CRB1: variants seen among roughly 807,000 people sequenced by gnomAD.
CRB1 encodes protein crumbs homolog 1.
In CRB1, 83 loss-of-function variants were observed where a neutral mutation model predicts 120.0. That is an observed-to-expected ratio of 0.69 (90% CI 0.58 to 0.83). The LOEUF is 0.83. CRB1 is among the 40% of genes least tolerant of loss of function. The pLI is 0.00. For missense variants in CRB1, 1,699 were observed against 1,687.6 expected (o/e 1.01, Z -0.12); for synonymous variants, 625 against 612.5 (o/e 1.02, Z -0.30).
Position 197,356,838 on chromosome 1 carries a change from A to G in CRB1, c.996A>G (p.Thr332=), listed in dbSNP as rs1488355227. Residue 332 remains threonine (T), a synonymous_variant, in exon 5 of 12, where the codon ACA becomes ACG. Transcript: ENST00000367400. ...TGAATTTTCATCATGCAGGATACAC[A>G]GGTGCCCAGTGTGAGATCGACCTCA... The part of the protein sequence containing the change: ...NYTCHCWPGY[T]GAQCEIDLNE... The G allele has an allele frequency of 1.9e-6, 3 of 1,613,988 alleles. No homozygotes were observed. In the East Asian group the frequency reaches 6.7e-5, roughly 36 times the overall value.
intron 10 of CRB1, chr1:197,441,772 T>C: frequency 4.5e-6 from 1 of 220,122 alleles, no homozygotes; most frequent in Non-Finnish European, 8.8e-6. Flanking sequence ...CCCTGCAGAC[T>C]CCAGATGGCA....
Position 197,345,930 on chromosome 1 carries a change from C to T in CRB1, c.849-1410C>T, listed in dbSNP as rs1571875624. 3.3e-5 allele frequency among the ~76,000 whole-genome samples: 5 copies of T among 152,262 alleles called. No individual in the cohort carries two copies. The South Asian group carries it at 1.0e-3, about 32-fold the overall frequency. The stretch of plus-strand genomic sequence containing the variant: ...ATAATGCTCTAGGGGCATAAATCTA[C>T]ATTCCTGGAGACAGGTAACTGGCCA... On this transcript the variant is annotated intron_variant, in intron 3 of 11. Coordinates refer to ENST00000367400, the MANE Select transcript of CRB1 (RefSeq NM_201253.3).
At chr1:197,427,088 G>A (rs1664621187) in intron 6 of CRB1, among the ~76,000 whole-genome samples, 1 of 152,148 alleles carries the variant, frequency 6.6e-6, no homozygotes, top group African/African-American at 2.4e-5. Flanking sequence ...CCACCAGGTT[G>A]GAGTATAGTA....
chr1:197,467,032 G>A (rs927557553), intron 11 of CRB1, among the ~76,000 whole-genome samples: 1 of 152,126 alleles, frequency 6.6e-6, no homozygotes. Context: ...ATCAATGAGA[G>A]CAAGATTTAT....
intron 5 of CRB1, among the ~76,000 whole-genome samples, chr1:197,387,181 C>T (rs1662259393): frequency 6.6e-6 from 1 of 152,044 alleles, no homozygotes; most frequent in Non-Finnish European, 1.5e-5. Flanking sequence ...GGGCTCACTT[C>T]AACCTCCACC....
chr1:197,267,729 G>A (rs1558018211), upstream of CRB1, among the ~76,000 whole-genome samples: 1 of 152,156 alleles, frequency 6.6e-6, no homozygotes, highest in Non-Finnish European at 1.5e-5. Flanking sequence ...ATCAATTATA[G>A]TAAAACAAAA....
the CRB1 span, among the ~76,000 whole-genome samples, chr1:197,231,477 G>A: frequency 6.6e-6 from 1 of 152,124 alleles, no homozygotes; most frequent in South Asian, 2.1e-4. Flanking sequence ...GCTAAAGTCA[G>A]AAAAGGACAA....
At chr1:197,204,626 T>C in the CRB1 span, among the ~76,000 whole-genome samples, 21 of 152,272 alleles carry the variant, frequency 1.4e-4, no homozygotes, top group African/African-American at 4.8e-4. Context: ...TTGATGGAAT[T>C]TTTTTTCTTA....
At chr1:197,221,025 T>A in the CRB1 span, among the ~76,000 whole-genome samples, 2 of 152,350 alleles carry the variant, frequency 1.3e-5, no homozygotes, top group East Asian at 3.9e-4. Context: ...GGAAGAGATC[T>A]ACATGTCTTC....
rs1665276836 is a variant in CRB1, at chr1:197,438,610, A to C, written c.3813A>C (p.Gly1271=). 1 of 1,612,946 alleles carries C rather than the reference A, an allele frequency of 6.2e-7. No individual in the cohort carries two copies. The highest frequency in any genetic ancestry group is 1.7e-5 in the Admixed American group (1 of 59,924). The change falls in exon 10 of 12, where the codon GGA becomes GGC. Residue 1271 remains glycine (G), a synonymous_variant. Transcript: ENST00000367400. ...AGACAAATCTCACTTGCTACAATGG[A>C]GGCAACTGCACAGAGTTCCAGACTG... ...NEKTNLTCYN[G]GNCTEFQTEL... is the part of the protein sequence containing the mutation.
intron 5 of CRB1, chr1:197,364,037 T>C: frequency 7.3e-7 from 1 of 1,376,232 alleles, no homozygotes; most frequent in Non-Finnish European, 1.0e-6. Flanking sequence ...AAGATCAACT[T>C]CTTGATGCGA....
At chr1:197,465,665 A>C (rs552643854) in intron 11 of CRB1, among the ~76,000 whole-genome samples, 14 of 152,312 alleles carry the variant, frequency 9.2e-5, no homozygotes, top group African/African-American at 3.1e-4. Flanking sequence ...GTCTCAAACT[A>C]TTTTGAAGAG....
At chr1:197,369,354 T>C (rs939125927) in intron 5 of CRB1, among the ~76,000 whole-genome samples, 1 of 151,918 alleles carries the variant, frequency 6.6e-6, no homozygotes, top group African/African-American at 2.4e-5. Context: ...TCCTCCTGCA[T>C]CCCCTCCCCA....
intron 5 of CRB1, among the ~76,000 whole-genome samples, chr1:197,367,979 T>C (rs1019160720): frequency 2.6e-5 from 4 of 152,204 alleles, no homozygotes; most frequent in African/African-American, 9.6e-5. Flanking sequence ...AAGCACAATG[T>C]TGCTAAAAAT....
chr1:197,451,810 A>G (rs1372629837), intron 11 of CRB1, among the ~76,000 whole-genome samples: 1 of 152,244 alleles, frequency 6.6e-6, no homozygotes, highest in Non-Finnish European at 1.5e-5. Context: ...AAATACTAAC[A>G]TTAGAAAAAC....
At chr1:197,461,639 A>G (rs1054872670) in intron 11 of CRB1, among the ~76,000 whole-genome samples, 2 of 152,118 alleles carry the variant, frequency 1.3e-5, no homozygotes, top group African/African-American at 4.8e-5. Flanking sequence ...CTGTCCACTG[A>G]TTTACTCATT....
chr1:197,374,317 G>T (rs1158242536), intron 5 of CRB1, among the ~76,000 whole-genome samples: 1 of 152,140 alleles, frequency 6.6e-6, no homozygotes, highest in Non-Finnish European at 1.5e-5. Context: ...ATTAGCCTAT[G>T]GGAGTGGACG....
intron 2 of CRB1, among the ~76,000 whole-genome samples, chr1:197,333,586 T>C (rs1479499208): frequency 6.6e-6 from 1 of 152,194 alleles, no homozygotes; most frequent in Non-Finnish European, 1.5e-5. Flanking sequence ...AAATATCTTA[T>C]TCCTCTATTA....
chr1:197,230,041 A>T, the CRB1 span, among the ~76,000 whole-genome samples: 1 of 152,200 alleles, frequency 6.6e-6, no homozygotes, highest in Non-Finnish European at 1.5e-5. Context: ...TAAGTGCATT[A>T]TATGTATTAA....
Sources: gnomAD v4.1 joint callset for allele counts (sites outside exome capture counted in the v4.1 genomes callset) on GRCh38, gnomAD v4.1.1 for gene constraint, MANE v1.5 for transcripts, NCBI Gene and HGNC (gene_info 2026-07-23, HGNC 2026-07-21) for gene names.